Variants in TUSC3 observed in about 807,000 individuals in gnomAD.
TUSC3 encodes the protein dolichyl-diphosphooligosaccharide--protein glycosyltransferase subunit TUSC3.
TUSC3 carries 45 observed loss-of-function variants against 44.8 expected under a neutral mutation model. The ratio of observed to expected loss-of-function variants is 1.00; its 90% confidence interval spans 0.79 to 1.29. The LOEUF (loss-of-function observed/expected upper bound fraction) is 1.29, where lower values mean the gene tolerates loss of function less well. Among genes scored for constraint, TUSC3 ranks in the 50% most tolerant of loss-of-function variants. The pLI, the probability that TUSC3 is intolerant of heterozygous loss-of-function variation, is 0.00. For missense variants in TUSC3, 519 were observed against 437.9 expected (o/e 1.19, Z -1.65); for synonymous variants, 212 against 152.9 (o/e 1.39, Z -2.85).
the TUSC3 span, among the ~76,000 whole-genome samples, chr8:15,824,233 T>C: frequency 6.6e-6 from 1 of 152,172 alleles, no homozygotes; most frequent in South Asian, 2.1e-4. Context: ...ATCCGATTAT[T>C]ACCTGATGCA....
intron 6 of TUSC3, among the ~76,000 whole-genome samples, chr8:15,704,882 C>G (rs1315514217): frequency 1.3e-5 from 2 of 151,622 alleles, no homozygotes; most frequent in African/African-American, 4.8e-5. Flanking sequence ...CCCAAAAGCA[C>G]ATAACAAGTT....
At chr8:15,802,091 C>G in the TUSC3 span, among the ~76,000 whole-genome samples, 1 of 152,140 alleles carries the variant, frequency 6.6e-6, no homozygotes. Flanking sequence ...GACTCTTGTT[C>G]CGTTCATGCG....
chr8:15,694,813 C>T (rs1295116459), intron 6 of TUSC3, among the ~76,000 whole-genome samples: 1 of 152,090 alleles, frequency 6.6e-6, no homozygotes, highest in Non-Finnish European at 1.5e-5. Flanking sequence ...GAGTTGTTCC[C>T]AGATTGCTGG....
At chr8:15,740,645 C>T (rs1811153357) in intron 7 of TUSC3, among the ~76,000 whole-genome samples, 1 of 152,028 alleles carries the variant, frequency 6.6e-6, no homozygotes, top group Non-Finnish European at 1.5e-5. Flanking sequence ...TTGATAAAAT[C>T]AATAATTGGG....
intron 1 of TUSC3, among the ~76,000 whole-genome samples, chr8:15,607,170 G>T (rs188898706): frequency 3.3e-5 from 5 of 152,004 alleles, no homozygotes; most frequent in Non-Finnish European, 7.4e-5. Flanking sequence ...CCAAGGAAAC[G>T]TGTGGACCAG....
chr8:15,845,300 A>C, the TUSC3 span, among the ~76,000 whole-genome samples: 1 of 152,128 alleles, frequency 6.6e-6, no homozygotes, highest in Non-Finnish European at 1.5e-5. Flanking sequence ...CTGCAAAGTG[A>C]GGAGTTTTGA....
At chr8:15,482,769 A>G (rs1248357748) in intron 1 of TUSC3, among the ~76,000 whole-genome samples, 1 of 152,242 alleles carries the variant, frequency 6.6e-6, no homozygotes. Context: ...CTGTATATAC[A>G]GAAATTCCTA....
intron 2 of TUSC3, among the ~76,000 whole-genome samples, chr8:15,646,713 G>T (rs894349364): frequency 1.3e-5 from 2 of 152,064 alleles, no homozygotes; most frequent in African/African-American, 4.8e-5. Flanking sequence ...GCACTCATCT[G>T]ATTTGCACAC....
At chr8:15,742,324 T>C (rs1025231845) in intron 7 of TUSC3, among the ~76,000 whole-genome samples, 1 of 149,020 alleles carries the variant, frequency 6.7e-6, no homozygotes, top group Non-Finnish European at 1.5e-5. Context: ...CTAAAACAAA[T>C]ACAATAGTTT....
chr8:15,643,781 C>T (rs1163835873), intron 2 of TUSC3, among the ~76,000 whole-genome samples: 1 of 152,124 alleles, frequency 6.6e-6, no homozygotes, highest in Non-Finnish European at 1.5e-5. Flanking sequence ...AGAGGAGCAA[C>T]TGTGTTAGAA....
At chr8:15,508,457 C>CT (rs1200727081) in intron 2 of TUSC3, among the ~76,000 whole-genome samples, 23,983 of 77,904 alleles carry the variant, frequency 0.31, 4,880 homozygotes, top group South Asian at 0.47. Flanking sequence ...TCGAAGCTTC[C>CT]TTTTTTTTTT....
At chr8:15,814,191 T>G in the TUSC3 span, among the ~76,000 whole-genome samples, 30 of 152,324 alleles carry the variant, frequency 2.0e-4, no homozygotes, top group African/African-American at 6.5e-4. Context: ...AATTTAATGT[T>G]TGACTTACCT....
intron 1 of TUSC3, among the ~76,000 whole-genome samples, chr8:15,454,936 T>A (rs535185143): frequency 1.3e-5 from 2 of 152,138 alleles, no homozygotes; most frequent in African/African-American, 4.8e-5. Context: ...ATCTAGCAGA[T>A]GTAACAGGCT....
intron 6 of TUSC3, among the ~76,000 whole-genome samples, chr8:15,677,043 G>C (rs1808222258): frequency 6.6e-6 from 1 of 151,984 alleles, no homozygotes; most frequent in Non-Finnish European, 1.5e-5. Context: ...TTATTTTATA[G>C]AGTTAGGGTC....
intron 10 of TUSC3, among the ~76,000 whole-genome samples, chr8:15,762,889 G>C (rs901817249): frequency 1.3e-5 from 1 of 76,766 alleles, no homozygotes; most frequent in African/African-American, 5.5e-5. Context: ...GCCCTGACAA[G>C]GTTTACTGCT....
intron 6 of TUSC3, chr8:15,688,811 T>C (rs1048320779): frequency 6.5e-6 from 1 of 153,514 alleles, no homozygotes; most frequent in African/African-American, 2.4e-5. Context: ...CAAAAAAGTT[T>C]GGTCCAAAAG....
chr8:15,666,582 G>A (rs1807671578), intron 5 of TUSC3, among the ~76,000 whole-genome samples: 1 of 151,426 alleles, frequency 6.6e-6, no homozygotes, highest in Non-Finnish European at 1.5e-5. Context: ...ACCATTCAAA[G>A]TTACAGATGG....
chr8:15,496,886 T>A (rs1800887265), intron 2 of TUSC3, among the ~76,000 whole-genome samples: 1 of 149,388 alleles, frequency 6.7e-6, no homozygotes, highest in South Asian at 2.1e-4. Context: ...AGTAGAAATT[T>A]AGGAAAAATA....
intron 1 of TUSC3, among the ~76,000 whole-genome samples, chr8:15,458,871 G>T (rs79091768): frequency 0.049 from 7,485 of 152,174 alleles, 250 homozygotes; most frequent in South Asian, 0.1. Flanking sequence ...CTTTACAGGT[G>T]GCAAAGTATT....
Sources: gnomAD v4.1 joint callset for allele counts (sites outside exome capture counted in the v4.1 genomes callset) on GRCh38, gnomAD v4.1.1 for gene constraint, MANE v1.5 for transcripts, NCBI Gene and HGNC (gene_info 2026-07-23, HGNC 2026-07-21) for gene names.